KCNQ5: variants seen among roughly 807,000 people sequenced by gnomAD.
The protein encoded by KCNQ5 is potassium voltage-gated channel subfamily KQT member 5.
In KCNQ5, 30 loss-of-function variants were observed where a neutral mutation model predicts 98.2. That is an observed-to-expected ratio of 0.31 (90% confidence interval 0.23 to 0.41). The LOEUF is 0.41. Ranked by LOEUF, KCNQ5 falls within the 10% of genes least tolerant of loss-of-function variation. KCNQ5 has a pLI of 1.00. For missense variants in KCNQ5, 835 were observed against 1,182.5 expected (o/e 0.71, Z 4.31); for synonymous variants, 458 against 449.4 (o/e 1.02, Z -0.24).
intron 1 of KCNQ5, among the ~76,000 whole-genome samples, chr6:72,854,758 T>TTGTGTGTGTGTGTG (rs34867008): frequency 6.3e-5 from 8 of 127,158 alleles, no homozygotes; most frequent in African/African-American, 2.4e-4. Flanking sequence ...ACACCATGGT[T>TTGTGTGTGTGTGTG]TGTGTGTGTG....
intron 8 of KCNQ5, among the ~76,000 whole-genome samples, chr6:73,121,748 G>A (rs1775760836): frequency 6.6e-6 from 1 of 152,212 alleles, no homozygotes; most frequent in Non-Finnish European, 1.5e-5. Flanking sequence ...TTGTGATGCA[G>A]CAGAATGCAT....
intron 1 of KCNQ5, among the ~76,000 whole-genome samples, chr6:72,741,531 G>C (rs1299634633): frequency 6.6e-6 from 1 of 152,150 alleles, no homozygotes; most frequent in Non-Finnish European, 1.5e-5. Flanking sequence ...TAGAGAGTTG[G>C]AGGAGGTGAA....
chr6:72,852,956 A>T (rs1777345801), intron 1 of KCNQ5, among the ~76,000 whole-genome samples: 1 of 152,000 alleles, frequency 6.6e-6, no homozygotes, highest in Non-Finnish European at 1.5e-5. Flanking sequence ...AGTCAGTGAC[A>T]TCTCTTTTTA....
At chr6:72,652,544 G>C (rs930676276) in intron 1 of KCNQ5, among the ~76,000 whole-genome samples, 1 of 151,922 alleles carries the variant, frequency 6.6e-6, no homozygotes, top group African/African-American at 2.4e-5. Flanking sequence ...GGATTGAACT[G>C]GGGGTCACTC....
chr6:72,793,619 A>G (rs1017870069), intron 1 of KCNQ5, among the ~76,000 whole-genome samples: 1 of 152,246 alleles, frequency 6.6e-6, no homozygotes, highest in Non-Finnish European at 1.5e-5. Flanking sequence ...AGAATACTAG[A>G]GGGACATTTA....
intron 5 of KCNQ5, among the ~76,000 whole-genome samples, chr6:73,092,345 C>G (rs1332780677): frequency 6.6e-6 from 1 of 152,112 alleles, no homozygotes; most frequent in African/African-American, 2.4e-5. Flanking sequence ...TTGACTTCCT[C>G]TTTAATGAGT....
intron 10 of KCNQ5, chr6:73,133,996 C>A (rs1180546394): frequency 2.1e-6 from 1 of 479,428 alleles, no homozygotes; most frequent in South Asian, 1.5e-5. Context: ...GGTCCAAGAC[C>A]CAGGGACAAC....
At chr6:73,129,845 C>T (rs1265166530) in intron 9 of KCNQ5, 1 of 1,611,818 alleles carries the variant, frequency 6.2e-7, no homozygotes, top group Non-Finnish European at 8.5e-7. Context: ...CTCACGGAAG[C>T]AGAGGTACCC....
At chr6:73,023,413 C>T (rs946496692) in intron 2 of KCNQ5, among the ~76,000 whole-genome samples, 9 of 151,910 alleles carry the variant, frequency 5.9e-5, no homozygotes, top group East Asian at 3.9e-4. Context: ...CCAGGAGATA[C>T]GGGAGTCTGG....
chr6:73,136,798 C>A (rs928851666), intron 10 of KCNQ5: 4 of 152,154 alleles, frequency 2.6e-5, no homozygotes, highest in Admixed American at 6.5e-5. Flanking sequence ...TACATCTTTA[C>A]TTATAGTACC....
In KCNQ5 at chr6:72,720,480, AT is replaced by A. The variant is rs151268851; in HGVS notation, c.398+97895del. On this transcript the variant is annotated intron_variant, in intron 1 of 13. Coordinates refer to ENST00000370398, the MANE Select transcript of KCNQ5 (RefSeq NM_019842.4). ...TGTTGCTGAGTCTTTGGAAAAAGTGATTGCAAAGGCTGTTTTCTTTTCCCTT... is the reference window on the plus strand; with the variant it reads ...TGTTGCTGAGTCTTTGGAAAAAGTGATGCAAAGGCTGTTTTCTTTTCCCTT... Among the ~76,000 whole-genome samples, 1,438 of 152,196 alleles carry A rather than the reference AT, an allele frequency of 9.4e-3. 13 individuals carry two copies. The highest frequency in any genetic ancestry group is 0.02 in the East Asian group (104 of 5,182).
At chr6:72,702,162 C>T (rs898381369) in intron 1 of KCNQ5, among the ~76,000 whole-genome samples, 4 of 152,150 alleles carry the variant, frequency 2.6e-5, no homozygotes, top group Non-Finnish European at 5.9e-5. Context: ...ATTTTCTTAG[C>T]CCATCTTCTT....
At chr6:73,134,394 C>T (rs905058837) in intron 10 of KCNQ5, 3 of 153,396 alleles carry the variant, frequency 2.0e-5, no homozygotes, top group Admixed American at 1.3e-4. Context: ...GAACCAAAAT[C>T]AAATAGCATT....
intron 1 of KCNQ5, among the ~76,000 whole-genome samples, chr6:72,801,763 A>G (rs1340033182): frequency 6.6e-6 from 1 of 152,036 alleles, no homozygotes; most frequent in African/African-American, 2.4e-5. Flanking sequence ...AGTGGCTGGT[A>G]CCGGTTGTTC....
At chr6:72,973,047 A>ATTT (rs1283166310) in intron 1 of KCNQ5, among the ~76,000 whole-genome samples, 3 of 152,200 alleles carry the variant, frequency 2.0e-5, no homozygotes, top group African/African-American at 7.2e-5. Flanking sequence ...CTGGTTCACT[A>ATTT]AATCAAACTG....
At chr6:72,864,595 T>A (rs1194857619) in intron 1 of KCNQ5, among the ~76,000 whole-genome samples, 3 of 152,210 alleles carry the variant, frequency 2.0e-5, no homozygotes, top group Non-Finnish European at 4.4e-5. Context: ...TTGAGTGAAT[T>A]TGATTTTATG....
chr6:73,078,447 C>T (rs1412001589), intron 5 of KCNQ5, among the ~76,000 whole-genome samples: 1 of 152,094 alleles, frequency 6.6e-6, no homozygotes, highest in Admixed American at 6.5e-5. Flanking sequence ...AAAGTAAAAT[C>T]ATGATTCTTA....
intron 1 of KCNQ5, among the ~76,000 whole-genome samples, chr6:72,925,543 G>A (rs1323834307): frequency 6.6e-6 from 1 of 152,122 alleles, no homozygotes; most frequent in Non-Finnish European, 1.5e-5. Flanking sequence ...AAGAAATATG[G>A]CCTCAGTTCC....
intron 1 of KCNQ5, among the ~76,000 whole-genome samples, chr6:72,865,353 C>T (rs1256567321): frequency 1.3e-5 from 2 of 152,164 alleles, no homozygotes; most frequent in African/African-American, 4.8e-5. Flanking sequence ...GGCCAAAATA[C>T]AGAAAATTCA....
Sources: allele counts gnomAD v4.1 joint callset (sites outside exome capture counted in the v4.1 genomes callset), GRCh38; gene constraint gnomAD v4.1.1; transcripts MANE v1.5; gene names NCBI Gene and HGNC (gene_info 2026-07-23, HGNC 2026-07-21).